EXOC4: variants seen among roughly 807,000 people sequenced by gnomAD.
The protein encoded by EXOC4 is SEC8-like 1.
In EXOC4, 71 loss-of-function variants were observed where a neutral mutation model predicts 107.2. The ratio of observed to expected loss-of-function variants is 0.66; its 90% CI spans 0.55 to 0.81. EXOC4 has a LOEUF of 0.81. Among genes scored for constraint, EXOC4 ranks in the 30% least tolerant of loss-of-function variants. The pLI is 0.00. For synonymous variants in EXOC4, 456 were observed against 441.2 expected (o/e 1.03, Z -0.42); for missense variants, 1,108 against 1,189.6 (o/e 0.93, Z 1.01).
At chr7:133,372,484 G>A (rs1796398400) in intron 6 of EXOC4, among the ~76,000 whole-genome samples, 1 of 152,146 alleles carries the variant, frequency 6.6e-6, no homozygotes, top group Non-Finnish European at 1.5e-5. Flanking sequence ...TTAAGAGATT[G>A]CTATTTCCAA....
At chr7:133,895,877 G>C in intron 12 of EXOC4, 142 bp downstream of exon 12, 1 of 865,344 alleles carries the variant, frequency 1.2e-6, no homozygotes, top group Non-Finnish European at 1.8e-6. Flanking sequence ...CATGGAAATA[G>C]CCTCCTAGAC....
At chr7:133,878,348 G>T (rs1415218375) in intron 11 of EXOC4, among the ~76,000 whole-genome samples, 1 of 152,196 alleles carries the variant, frequency 6.6e-6, no homozygotes, top group Non-Finnish European at 1.5e-5. Flanking sequence ...TCATGACAGT[G>T]ATACAGTGAA....
intron 10 of EXOC4, among the ~76,000 whole-genome samples, chr7:133,770,759 C>G (rs1796228964): frequency 6.6e-6 from 1 of 151,876 alleles, no homozygotes; most frequent in African/African-American, 2.4e-5. Context: ...TAGCCTAATT[C>G]CTGAATTCAT....
Position 133,741,338 on chromosome 7 carries a change from G to T in EXOC4, c.1515-75987G>T, listed in dbSNP as rs139650959. Among the ~76,000 whole-genome samples the T allele has an allele frequency of 5.9e-3, 897 of 152,228 alleles. 4 individuals are homozygous for T. Among genetic ancestry groups the T allele is most frequent in the African/African-American group, 0.017 (720 of 41,538 alleles). On this transcript the variant is annotated intron_variant, in intron 10 of 17. Coordinates refer to ENST00000253861, the MANE Select transcript of EXOC4 (RefSeq NM_021807.4). The stretch of plus-strand genomic sequence containing the variant: ...GGGCCTCTTTCTACCCACTGTTCCA[G>T]CCCTGCTGCTCTCCTGCTGATTATT...
intron 7 of EXOC4, among the ~76,000 whole-genome samples, chr7:133,442,317 G>A (rs962088181): frequency 6.6e-6 from 1 of 152,108 alleles, no homozygotes; most frequent in Non-Finnish European, 1.5e-5. Context: ...AGAAAGAGGT[G>A]GTTATTAGAC....
At chr7:133,444,271 G>A (rs1290022775) in intron 7 of EXOC4, among the ~76,000 whole-genome samples, 1 of 152,224 alleles carries the variant, frequency 6.6e-6, no homozygotes, top group East Asian at 1.9e-4. Flanking sequence ...TCAGAGCACA[G>A]GGTAGCAAGT....
intron 9 of EXOC4, among the ~76,000 whole-genome samples, chr7:133,499,200 G>A (rs1799533033): frequency 6.6e-6 from 1 of 150,882 alleles, no homozygotes; most frequent in Admixed American, 6.6e-5. Flanking sequence ...GGCATACTTA[G>A]TAATTTAATT....
At chr7:133,786,791 T>G (rs2551026) in intron 10 of EXOC4, among the ~76,000 whole-genome samples, 1 of 152,248 alleles carries the variant, frequency 6.6e-6, no homozygotes, top group African/African-American at 2.4e-5. Context: ...AGAAGACTTA[T>G]GGTTTAAGTA....
At chr7:134,025,054 C>A (rs1795109659) in intron 17 of EXOC4, among the ~76,000 whole-genome samples, 1 of 152,230 alleles carries the variant, frequency 6.6e-6, no homozygotes, top group Non-Finnish European at 1.5e-5. Context: ...TTCCAAGTCT[C>A]ATTCTCCAGC....
At chr7:133,305,765 A>C in intron 3 of EXOC4, 112 bp from the exon 4 acceptor site, 1 of 800,772 alleles carries the variant, frequency 1.2e-6, no homozygotes, top group Non-Finnish European at 1.8e-6. Flanking sequence ...TATGCTGATA[A>C]AGTTCTCGTA....
chr7:133,398,412 A>G (rs1253736799), intron 7 of EXOC4, among the ~76,000 whole-genome samples: 1 of 152,198 alleles, frequency 6.6e-6, no homozygotes, highest in Non-Finnish European at 1.5e-5. Context: ...CTGTAGCAGC[A>G]TTTTTCTAGT....
At chr7:133,707,974 C>T (rs561646546) in intron 10 of EXOC4, among the ~76,000 whole-genome samples, 1 of 152,226 alleles carries the variant, frequency 6.6e-6, no homozygotes, top group Admixed American at 6.5e-5. Context: ...TGAACAATTA[C>T]TTAGATAATG....
intron 9 of EXOC4, among the ~76,000 whole-genome samples, chr7:133,537,359 T>C (rs889679600): frequency 8.9e-3 from 1 of 112 alleles, no homozygotes; most frequent in East Asian, 0.17. Context: ...GGTTTCCCCA[T>C]ATTGGGCCAA....
chr7:133,497,377 A>G (rs1414002857), intron 9 of EXOC4, among the ~76,000 whole-genome samples: 1 of 151,736 alleles, frequency 6.6e-6, no homozygotes, highest in Non-Finnish European at 1.5e-5. Flanking sequence ...GTTGTAAGAA[A>G]GGCAAACAAC....
intron 1 of EXOC4, among the ~76,000 whole-genome samples, chr7:133,271,318 G>A (rs1207510452): frequency 6.6e-6 from 1 of 151,994 alleles, no homozygotes; most frequent in Non-Finnish European, 1.5e-5. Context: ...GTCTCATATT[G>A]CAGAAAAGAA....
intron 7 of EXOC4, among the ~76,000 whole-genome samples, chr7:133,391,266 A>G (rs1018326635): frequency 6.6e-6 from 1 of 152,242 alleles, no homozygotes; most frequent in Admixed American, 6.5e-5. Flanking sequence ...GCTGTCACCA[A>G]TTGAACTACA....
At chr7:133,831,564 T>TA (rs1797812237) in intron 11 of EXOC4, among the ~76,000 whole-genome samples, 1 of 151,326 alleles carries the variant, frequency 6.6e-6, no homozygotes, top group South Asian at 2.1e-4. Context: ...CTTTGTGATT[T>TA]TTTTTTTTTT....
chr7:133,447,854 AAGTCATTC>A (rs1458586367), intron 7 of EXOC4, among the ~76,000 whole-genome samples: 57 of 152,198 alleles, frequency 3.7e-4, no homozygotes, highest in African/African-American at 1.4e-3. Flanking sequence ...CTAATGACTC[AAGTCATTC>A]AGTTTGAGTT....
chr7:133,586,400 C>T (rs1222036014), intron 9 of EXOC4, among the ~76,000 whole-genome samples: 1 of 152,174 alleles, frequency 6.6e-6, no homozygotes. Flanking sequence ...AGGATAATGA[C>T]CTCCAGCTCC....
Sources: allele counts gnomAD v4.1 joint callset (sites outside exome capture counted in the v4.1 genomes callset), GRCh38; gene constraint gnomAD v4.1.1; transcripts MANE v1.5; gene names NCBI Gene and HGNC (gene_info 2026-07-23, HGNC 2026-07-21).